Variants in CDH6 observed in about 807,000 individuals in gnomAD.
CDH6 encodes the protein cadherin-6.
Under a neutral mutation model 78.0 loss-of-function variants are expected in CDH6, and 31 were observed. The ratio of observed to expected loss-of-function variants is 0.40; its 90% confidence interval spans 0.30 to 0.54. The LOEUF (loss-of-function observed/expected upper bound fraction) is 0.54. Ranked by LOEUF, CDH6 falls within the 20% of genes least tolerant of loss-of-function variation. The pLI is 0.56. For synonymous variants in CDH6, 376 were observed against 368.8 expected (o/e 1.02, Z -0.23); for missense variants, 724 against 975.9 (o/e 0.74, Z 3.44).
intron 2 of CDH6, among the ~76,000 whole-genome samples, chr5:31,286,709 T>C (rs529506283): frequency 6.6e-6 from 1 of 152,000 alleles, no homozygotes; most frequent in East Asian, 1.9e-4. Context: ...ATCTTCAGAG[T>C]TGGTGTTGTT....
Position 31,299,635 on chromosome 5 carries a change from G to A in CDH6, c.811+4G>A. 1 of 1,599,548 alleles carries A rather than the reference G, an allele frequency of 6.3e-7. No homozygotes were observed. ...AACCCTCCCCGATTCCCCCAGAGTA[G>A]GAACATTTGATTGAATGAATTTCTT... is the stretch of plus-strand genomic sequence containing the variant. On this transcript the variant is annotated splice_donor_region_variant and intron_variant, in intron 5 of 11. Coordinates refer to ENST00000265071, the MANE Select transcript of CDH6 (RefSeq NM_004932.4).
intron 1 of CDH6, among the ~76,000 whole-genome samples, chr5:31,199,523 C>CAT (rs1491283741): frequency 1.3e-5 from 1 of 78,102 alleles, no homozygotes; most frequent in South Asian, 5.3e-4. Flanking sequence ...TGTACACACA[C>CAT]ATATGTGTAT....
chr5:31,318,743 TG>T, intron 11 of CDH6: 1 of 226,514 alleles, frequency 4.4e-6, no homozygotes, highest in Non-Finnish European at 8.8e-6. Flanking sequence ...GCCTATATAG[TG>T]AAAAGAAAAG....
intron 1 of CDH6, among the ~76,000 whole-genome samples, chr5:31,225,149 G>C (rs1027039201): frequency 6.6e-5 from 10 of 152,186 alleles, no homozygotes; most frequent in African/African-American, 2.2e-4. Context: ...TTGAAACCCT[G>C]TTTTACGGAG....
intron 11 of CDH6, among the ~76,000 whole-genome samples, chr5:31,321,080 A>G (rs1316502190): frequency 6.6e-6 from 1 of 151,824 alleles, no homozygotes; most frequent in Non-Finnish European, 1.5e-5. Context: ...TTTCATGTTC[A>G]TATTGCACTT....
chr5:31,322,916 G>T lies in CDH6; in HGVS notation c.1981G>T (p.Asp661Tyr), dbSNP rs763159274. ...CAGAGATAACATTGTCAGTTACAAC[G>T]ACGAAGGTGGTGGAGAGGAGGACAC... The part of the protein sequence containing the change: ...DIRDNIVSYN[D>Y]EGGGEEDTQA... Residue 661 changes from aspartate (D) to tyrosine (Y), a missense_variant, in exon 12 of 12, where the codon GAC (aspartate) becomes TAC (tyrosine). Physicochemically the swap from Asp to Tyr is radical, Grantham distance 160. Coordinates refer to ENST00000265071, the MANE Select transcript of CDH6 (RefSeq NM_004932.4). 6.2e-7 allele frequency: 1 copy of T among 1,614,134 alleles called. No homozygotes were observed. Among genetic ancestry groups the T allele is most frequent in the Admixed American group, 1.7e-5 (1 of 60,020 alleles).
At chr5:31,221,332 C>G (rs116574019) in intron 1 of CDH6, among the ~76,000 whole-genome samples, 1,731 of 152,182 alleles carry the variant, frequency 0.011, 37 homozygotes, top group African/African-American at 0.039. Flanking sequence ...AACCAGAAAC[C>G]CTTTATTGGT....
rs550620910 is a variant in CDH6, at chr5:31,301,234, C to T, written c.812-877C>T. ...AACTCAAGGGATTACTATTACTGAA[C>T]GCCTACATTTTAGTAGTGCCATAGA... On this transcript the variant is annotated intron_variant, in intron 5 of 11. Transcript: ENST00000265071. Among the ~76,000 whole-genome samples the T allele has an allele frequency of 6.6e-5, 10 of 152,332 alleles. No individual in the cohort carries two copies. The South Asian group carries it at 1.2e-3, about 19-fold the overall frequency.
chr5:31,263,255 TC>T (rs1561048035), intron 1 of CDH6, among the ~76,000 whole-genome samples: 3 of 143,052 alleles, frequency 2.1e-5, no homozygotes, highest in African/African-American at 7.7e-5. Context: ...TTCAGGTCTC[TC>T]TTCTTTTTTT....
intron 1 of CDH6, among the ~76,000 whole-genome samples, chr5:31,222,162 A>G (rs183823587): frequency 1.4e-3 from 220 of 152,298 alleles, no homozygotes; most frequent in African/African-American, 5.0e-3. Context: ...CTTTTTTTCA[A>G]TAGGGATATT....
chr5:31,327,195 A>G lies in CDH6; in HGVS notation c.*3887A>G, dbSNP rs1170452334. ...TGTAAACTATGACTTGGACAATTCT[A>G]TATACTCAAGCACCATAAAAAGTAT... On this transcript the variant is annotated 3_prime_UTR_variant, in exon 12 of 12. Coordinates refer to ENST00000265071, the MANE Select transcript of CDH6 (RefSeq NM_004932.4). 1.1e-5 allele frequency: 2 copies of G among 185,914 alleles called. No individual in the cohort carries two copies. Among genetic ancestry groups the G allele is most frequent in the Admixed American group, 1.2e-4 (2 of 16,122 alleles). 11.5% of individuals were successfully genotyped at this position (185,914 alleles called of 1,614,324 possible). A position where few individuals can be genotyped will look rare whatever the true frequency, so the allele number is the denominator to read the frequency against.
Position 31,324,735 on chromosome 5 carries a change from A to G in CDH6, c.*1427A>G. The G allele has an allele frequency of 4.8e-6, 1 of 209,068 alleles. No individual in the cohort carries two copies. The highest frequency in any genetic ancestry group is 9.7e-6 in the Non-Finnish European group (1 of 102,722). The allele number at this position is 209,068 out of a possible 1,614,324, so 13.0% of individuals were successfully genotyped here. A position where few individuals can be genotyped will look rare whatever the true frequency, so the allele number is the denominator to read the frequency against. ...CTATTATTTCTCTAATTATGCAATT[A>G]GCCTCATAGTTATTATCCAGAGGAC... On this transcript the variant is annotated 3_prime_UTR_variant, in exon 12 of 12. Coordinates refer to ENST00000265071, the MANE Select transcript of CDH6 (RefSeq NM_004932.4).
chr5:31,208,413 C>A (rs1740600187), intron 1 of CDH6, among the ~76,000 whole-genome samples: 1 of 152,190 alleles, frequency 6.6e-6, no homozygotes, highest in Non-Finnish European at 1.5e-5. Flanking sequence ...TATATTACGA[C>A]AAACAAGCCA....
chr5:31,277,951 T>C (rs1306309485), intron 2 of CDH6, among the ~76,000 whole-genome samples: 2 of 152,232 alleles, frequency 1.3e-5, no homozygotes, highest in African/African-American at 4.8e-5. Context: ...AAATGATTAC[T>C]ATCATGTTAA....
chr5:31,262,401 A>T (rs558330414), intron 1 of CDH6, among the ~76,000 whole-genome samples: 1 of 152,240 alleles, frequency 6.6e-6, no homozygotes, highest in Non-Finnish European at 1.5e-5. Context: ...CCACTTTTGC[A>T]TATCAAATTT....
intron 1 of CDH6, among the ~76,000 whole-genome samples, chr5:31,242,703 G>GGT (rs1554005341): frequency 7.0e-6 from 1 of 142,010 alleles, no homozygotes; most frequent in Non-Finnish European, 1.5e-5. Flanking sequence ...AATAAGAATG[G>GGT]GGGGGGGCGG....
At chr5:31,229,105 A>T (rs2111848455) in intron 1 of CDH6, among the ~76,000 whole-genome samples, 1 of 152,328 alleles carries the variant, frequency 6.6e-6, no homozygotes, top group Non-Finnish European at 1.5e-5. Context: ...AAGGGTACCA[A>T]CTGCCCAAAC....
chr5:31,195,791 G>T (rs967795894), intron 1 of CDH6, among the ~76,000 whole-genome samples: 1 of 152,156 alleles, frequency 6.6e-6, no homozygotes, highest in South Asian at 2.1e-4. Context: ...AATTAAAAAG[G>T]TACTGAAGGA....
At chr5:31,257,177 G>GTTTC (rs1475755343) in intron 1 of CDH6, among the ~76,000 whole-genome samples, 1 of 152,044 alleles carries the variant, frequency 6.6e-6, no homozygotes, top group African/African-American at 2.4e-5. Flanking sequence ...TTGTTTGTTT[G>GTTTC]TTTTGAGACG....
Sources: gnomAD v4.1 joint callset for allele counts (sites outside exome capture counted in the v4.1 genomes callset) on GRCh38, gnomAD v4.1.1 for gene constraint, MANE v1.5 for transcripts, NCBI Gene and HGNC (gene_info 2026-07-23, HGNC 2026-07-21) for gene names.